SPATS2: variants seen among roughly 807,000 people sequenced by gnomAD.
SPATS2 encodes spermatogenesis-associated serine-rich protein 2.
A neutral mutation model predicts 63.7 loss-of-function variants in SPATS2; 38 were observed. The ratio of observed to expected loss-of-function variants is 0.60; its 90% CI spans 0.46 to 0.78. SPATS2 has a LOEUF of 0.78. Among genes scored for constraint, SPATS2 ranks in the 30% least tolerant of loss-of-function variants. The pLI is 0.00. For missense variants in SPATS2, 588 were observed against 666.2 expected, an observed-to-expected ratio of 0.88 and a Z score of 1.29; for synonymous variants, 207 against 232.9, an observed-to-expected ratio of 0.89 and a Z score of 1.01.
intron 2 of SPATS2, among the ~76,000 whole-genome samples, chr12:49,392,253 G>A (rs1009984959): frequency 6.8e-6 from 1 of 147,998 alleles, no homozygotes; most frequent in African/African-American, 2.5e-5. Flanking sequence ...TTTTTTGGTT[G>A]TTGTTAAACA....
chr12:49,450,565 C>T (rs1221516355), intron 2 of SPATS2, among the ~76,000 whole-genome samples: 6 of 150,864 alleles, frequency 4.0e-5, no homozygotes, highest in East Asian at 3.9e-4. Context: ...TTTTTTGAGA[C>T]GGAGTTTCAC....
At chr12:49,505,185 T>C (rs1206312838) in intron 9 of SPATS2, among the ~76,000 whole-genome samples, 5 of 152,088 alleles carry the variant, frequency 3.3e-5, no homozygotes, top group Non-Finnish European at 7.4e-5. Flanking sequence ...CCAAACTACC[T>C]GCAAAATATT....
intron 2 of SPATS2, among the ~76,000 whole-genome samples, chr12:49,440,219 T>A (rs1945392225): frequency 6.6e-6 from 1 of 152,158 alleles, no homozygotes; most frequent in South Asian, 2.1e-4. Flanking sequence ...TATTTCCTAA[T>A]CACAAAGTCA....
intron 2 of SPATS2, among the ~76,000 whole-genome samples, chr12:49,431,246 G>GA (rs979958174): frequency 6.6e-6 from 1 of 151,648 alleles, no homozygotes; most frequent in Non-Finnish European, 1.5e-5. Context: ...AATATATAAA[G>GA]AACTTTTTTT....
intron 2 of SPATS2, among the ~76,000 whole-genome samples, chr12:49,436,273 T>TGACCTCCC (rs1338208834): frequency 6.8e-6 from 1 of 147,968 alleles, no homozygotes; most frequent in Non-Finnish European, 1.5e-5. Context: ...GGCGGGGGGC[T>TGACCTCCC]GACCTCCCCA....
chr12:49,481,506 C>T (rs1295070722), intron 3 of SPATS2, among the ~76,000 whole-genome samples: 5 of 117,480 alleles, frequency 4.3e-5, no homozygotes, highest in African/African-American at 1.3e-4. Context: ...CTTGCTCTGT[C>T]GCCCAGGCTG....
intron 13 of SPATS2, 73 bp downstream of exon 13, chr12:49,524,969 T>C: frequency 1.4e-6 from 2 of 1,438,180 alleles, no homozygotes; most frequent in Non-Finnish European, 1.9e-6. Flanking sequence ...TGCTGTTAGC[T>C]CAGTATATTA....
chr12:49,373,325 G>T (rs937722518), intron 2 of SPATS2, among the ~76,000 whole-genome samples: 2 of 152,048 alleles, frequency 1.3e-5, no homozygotes, highest in African/African-American at 2.4e-5. Context: ...CCTGCATCTT[G>T]CTTCATGATA....
chr12:49,501,718 C>T lies in SPATS2; in HGVS notation c.839+1513C>T, dbSNP rs548846804. Among the ~76,000 whole-genome samples, 11 of 152,230 alleles carry T rather than the reference C, an allele frequency of 7.2e-5. No homozygotes were observed. The South Asian group carries it at 2.1e-3, about 29-fold the overall frequency. On this transcript the variant is annotated intron_variant, in intron 9 of 13. Coordinates refer to ENST00000552918, the MANE Select transcript of SPATS2 (RefSeq NM_023071.4). ...CAACCTCCGCCTCCCAGGTTGCAGC[C>T]ATTCTCCTGCCTCAGCCTCCCGGAG...
At chr12:49,411,686 G>GA (rs1318921315) in intron 2 of SPATS2, among the ~76,000 whole-genome samples, 1 of 152,084 alleles carries the variant, frequency 6.6e-6, no homozygotes. Flanking sequence ...AGGAAAAAGT[G>GA]AAAAAAGGTT....
At chr12:49,398,094 C>T (rs1185905766) in intron 2 of SPATS2, among the ~76,000 whole-genome samples, 13 of 133,928 alleles carry the variant, frequency 9.7e-5, no homozygotes, top group Non-Finnish European at 1.4e-4. Context: ...TGAGATCAAG[C>T]CACTGCACTC....
chr12:49,463,069 T>TA (rs1945849517), intron 3 of SPATS2: 1 of 152,094 alleles, frequency 6.6e-6, no homozygotes, highest in Admixed American at 6.5e-5. Flanking sequence ...CTAATTACTA[T>TA]AAAATGAATT....
At chr12:49,423,401 G>C (rs1219531316) in intron 2 of SPATS2, among the ~76,000 whole-genome samples, 2 of 152,094 alleles carry the variant, frequency 1.3e-5, no homozygotes, top group African/African-American at 4.8e-5. Context: ...CACAGTGCTA[G>C]GATTACGGGC....
At chr12:49,476,730 G>A (rs1156460527) in intron 3 of SPATS2, among the ~76,000 whole-genome samples, 1 of 152,174 alleles carries the variant, frequency 6.6e-6, no homozygotes, top group East Asian at 1.9e-4. Flanking sequence ...CACTAAGAAG[G>A]TTTGTGAAAG....
At chr12:49,415,008 C>T (rs1380982969) in intron 2 of SPATS2, among the ~76,000 whole-genome samples, 1 of 146,508 alleles carries the variant, frequency 6.8e-6, no homozygotes, top group Admixed American at 6.9e-5. Context: ...GGCGGGATCT[C>T]GGCTCACTGC....
chr12:49,412,936 G>C (rs1011788108), intron 2 of SPATS2, among the ~76,000 whole-genome samples: 1 of 152,100 alleles, frequency 6.6e-6, no homozygotes, highest in African/African-American at 2.4e-5. Context: ...AAACATTTCA[G>C]CTGGGGAAAG....
At chr12:49,489,741 A>G (rs776284852) in intron 5 of SPATS2, among the ~76,000 whole-genome samples, 168 bp downstream of exon 5, 2 of 152,208 alleles carry the variant, frequency 1.3e-5, no homozygotes, top group Non-Finnish European at 2.9e-5. Context: ...GAAATAAGCT[A>G]TGTGGTGTCT....
In SPATS2 at chr12:49,524,836, G is replaced by A. The variant is rs148845051; in HGVS notation, c.1266G>A (p.Pro422=). 6.5e-5 allele frequency: 105 copies of A among 1,614,018 alleles called. 1 individual carries two copies. In the African/African-American group the frequency reaches 8.7e-4, roughly 13 times the overall value. ...LTSANKKNFA[P]GETPAAIANS... is the part of the protein sequence containing the mutation. ...GTGCTAACAAGAAAAACTTTGCACC[G>A]GGAGAGACTCCTGCAGCCATAGCAA... Residue 422 remains proline (P), a synonymous_variant, in exon 13 of 14, where the codon CCG becomes CCA. Transcript: ENST00000552918.
intron 10 of SPATS2, among the ~76,000 whole-genome samples, chr12:49,515,932 G>T (rs953005320): frequency 4.6e-5 from 7 of 151,248 alleles, no homozygotes; most frequent in Non-Finnish European, 1.0e-4. Flanking sequence ...ACGAGGTCAG[G>T]AGATCGAGGC....
Sources: gnomAD v4.1 joint callset for allele counts (sites outside exome capture counted in the v4.1 genomes callset) on GRCh38, gnomAD v4.1.1 for gene constraint, MANE v1.5 for transcripts, NCBI Gene and HGNC (gene_info 2026-07-23, HGNC 2026-07-21) for gene names.